The following FSTL1 variants were observed in gnomAD, a reference collection of about 807,000 sequenced individuals.
FSTL1 encodes the protein follistatin like 1.
In FSTL1, 24 loss-of-function variants were observed where a neutral mutation model predicts 45.9. That is an observed-to-expected ratio of 0.52 (90% CI 0.38 to 0.74). The LOEUF (loss-of-function observed/expected upper bound fraction) is 0.74, where lower values mean the gene tolerates loss of function less well. Ranked by LOEUF, FSTL1 falls within the 30% of genes least tolerant of loss-of-function variation. FSTL1 has a pLI of 0.00. For missense variants in FSTL1, 340 were observed against 381.8 expected, an observed-to-expected ratio of 0.89 and a Z score of 0.91; for synonymous variants, 120 against 137.6, an observed-to-expected ratio of 0.87 and a Z score of 0.89.
At chr3:120,423,876 G>A (rs955136492) in intron 2 of FSTL1, 2 of 152,184 alleles carry the variant, frequency 1.3e-5, no homozygotes, top group East Asian at 1.9e-4. Flanking sequence ...AAGTCCAAGT[G>A]GAAGTTTCTA....
At chr3:120,429,445 A>C (rs1168705692) in intron 2 of FSTL1, among the ~76,000 whole-genome samples, 1 of 152,254 alleles carries the variant, frequency 6.6e-6, no homozygotes, top group Non-Finnish European at 1.5e-5. Context: ...ACACTTGGAC[A>C]ACAGGCCTAA....
At chr3:120,416,418 A>G (rs1559738535) in intron 2 of FSTL1, among the ~76,000 whole-genome samples, 1 of 152,180 alleles carries the variant, frequency 6.6e-6, no homozygotes, top group Non-Finnish European at 1.5e-5. Flanking sequence ...AAACTCACAA[A>G]GAAAGAGACA....
chr3:120,399,284 G>A (rs1283215188), intron 10 of FSTL1, among the ~76,000 whole-genome samples: 1 of 152,140 alleles, frequency 6.6e-6, no homozygotes, highest in African/African-American at 2.4e-5. Flanking sequence ...TTTCCCCAAG[G>A]AAGCCTTTAA....
chr3:120,408,629 T>C (rs2107653632), intron 6 of FSTL1, among the ~76,000 whole-genome samples: 1 of 152,272 alleles, frequency 6.6e-6, no homozygotes, highest in Non-Finnish European at 1.5e-5. Flanking sequence ...CTGGGGCATC[T>C]ACCTAGTGAA....
intron 2 of FSTL1, among the ~76,000 whole-genome samples, chr3:120,436,085 T>A (rs1048282836): frequency 6.7e-6 from 1 of 148,450 alleles, no homozygotes; most frequent in South Asian, 2.2e-4. Flanking sequence ...GTATCTAAAA[T>A]AGGACACGTA....
chr3:120,439,643 T>C (rs1937607776), intron 2 of FSTL1, among the ~76,000 whole-genome samples: 1 of 152,214 alleles, frequency 6.6e-6, no homozygotes, highest in Non-Finnish European at 1.5e-5. Flanking sequence ...TGCTCCTTCC[T>C]GTGGGTGGGC....
chr3:120,411,230 G>A, intron 4 of FSTL1: 1 of 398,542 alleles, frequency 2.5e-6, no homozygotes, highest in African/African-American at 2.0e-5. Context: ...TCCTCCTGTT[G>A]CATTGAGGGG....
intron 8 of FSTL1, among the ~76,000 whole-genome samples, 154 bp downstream of exon 8, chr3:120,403,088 C>T (rs1055417239): frequency 8.5e-5 from 13 of 152,146 alleles, no homozygotes; most frequent in Admixed American, 7.9e-4. Context: ...GGGGCCCTAA[C>T]TTCACCATGG....
chr3:120,450,567 A>T (rs979295319), intron 2 of FSTL1, 117 bp downstream of exon 2: 1 of 602,224 alleles, frequency 1.7e-6, no homozygotes, highest in Non-Finnish European at 2.7e-6. Context: ...CACCCCAAGG[A>T]CCGAAACTCC....
chr3:120,423,146 C>T (rs1299120973), intron 2 of FSTL1: 2 of 152,086 alleles, frequency 1.3e-5, no homozygotes, highest in African/African-American at 4.8e-5. Flanking sequence ...GTGATGTTTA[C>T]CTCCACCATT....
chr3:120,409,126 T>C lies in FSTL1; in HGVS notation c.462+406A>G, dbSNP rs1282030231. On this transcript the variant is annotated intron_variant, in intron 6 of 10. Coordinates refer to ENST00000295633, the MANE Select transcript of FSTL1 (RefSeq NM_007085.5). ...TCCAAGCCATTGGCAGTCAAGTTAA[T>C]GACTTAGAGAAATGTCAAACTAGGC... 2.6e-5 allele frequency among the ~76,000 whole-genome samples: 4 copies of C among 152,206 alleles called. No individual in the cohort carries two copies. In the East Asian group the frequency reaches 7.7e-4, roughly 29 times the overall value.
intron 2 of FSTL1, among the ~76,000 whole-genome samples, chr3:120,429,645 A>G (rs148004801): frequency 6.2e-4 from 94 of 152,330 alleles, no homozygotes; most frequent in Non-Finnish European, 8.8e-4. Flanking sequence ...CCCAAACCCA[A>G]TAACCTAGGA....
At chr3:120,441,160 C>T (rs1402105407) in intron 2 of FSTL1, 1 of 152,238 alleles carries the variant, frequency 6.6e-6, no homozygotes, top group Non-Finnish European at 1.5e-5. Flanking sequence ...ATCACATTTT[C>T]CACACCAACA....
At chr3:120,414,293 G>A (rs1368210510) in intron 3 of FSTL1, among the ~76,000 whole-genome samples, 6 of 152,042 alleles carry the variant, frequency 3.9e-5, no homozygotes, top group African/African-American at 1.4e-4. Flanking sequence ...TCTGGAACGT[G>A]AGAAGCGTCT....
intron 10 of FSTL1, among the ~76,000 whole-genome samples, chr3:120,398,768 T>C (rs2107648216): frequency 6.6e-6 from 1 of 152,360 alleles, no homozygotes; most frequent in Admixed American, 6.5e-5. Context: ...AACTTAAACA[T>C]ATTAGCTACT....
chr3:120,441,816 C>T (rs914887142), intron 2 of FSTL1, among the ~76,000 whole-genome samples: 2 of 152,222 alleles, frequency 1.3e-5, no homozygotes, highest in Non-Finnish European at 2.9e-5. Context: ...CACAACCAAC[C>T]TATGGGGTAG....
rs1321278514 is a variant in FSTL1 at position 120,415,943 on chromosome 3, G to C, written c.148C>G (p.Pro50Ala). The C allele has an allele frequency of 2.5e-6, 4 of 1,609,868 alleles. No homozygotes were observed. The highest frequency in any genetic ancestry group is 8.5e-7 in the Non-Finnish European group (1 of 1,176,200). The part of the protein sequence containing the change: ...RECAVTEKGE[P>A]TCLCIEQCKP... ...CTTACCTCAATGCAGAGACAGGTGG[G>C]TTCCCCTTTCTCTGTGACTGCACAT... The change falls in exon 3 of 11, where the codon CCC becomes GCC. Residue 50 changes from proline (P) to alanine (A), a missense_variant. Coordinates refer to ENST00000295633, the MANE Select transcript of FSTL1 (RefSeq NM_007085.5).
chr3:120,425,226 T>C (rs1937356186), intron 2 of FSTL1, among the ~76,000 whole-genome samples: 1 of 152,040 alleles, frequency 6.6e-6, no homozygotes, highest in South Asian at 2.1e-4. Context: ...ATGAGAACTC[T>C]GACAGCAAAG....
chr3:120,411,314 A>G (rs1937045297), intron 4 of FSTL1: 1 of 243,174 alleles, frequency 4.1e-6, no homozygotes, highest in African/African-American at 2.3e-5. Context: ...CACCTGGGAA[A>G]CAGCTTCTTG....
Sources: allele counts gnomAD v4.1 joint callset (sites outside exome capture counted in the v4.1 genomes callset), GRCh38; gene constraint gnomAD v4.1.1; transcripts MANE v1.5; gene names NCBI Gene and HGNC (gene_info 2026-07-23, HGNC 2026-07-21).